The following MUC4 variants were observed in gnomAD, a reference collection of about 807,000 sequenced individuals.
The protein encoded by MUC4 is mucin-4.
Under a neutral mutation model 257.9 loss-of-function variants are expected in MUC4, and 202 were observed. That is an observed-to-expected ratio of 0.78 (90% confidence interval 0.70 to 0.88). MUC4 has a LOEUF of 0.88. Ranked by LOEUF, MUC4 falls within the 40% of genes least tolerant of loss-of-function variation. The pLI, the probability that MUC4 is intolerant of heterozygous loss-of-function variation, is 0.00. For missense variants in MUC4, 5,976 were observed against 6,513.7 expected (o/e 0.92, Z 2.84); for synonymous variants, 2,351 against 2,757.1 (o/e 0.85, Z 4.62).
chr3:195,751,402 T>C, intron 21 of MUC4, 131 bp from the exon 22 acceptor site: 1 of 713,940 alleles, frequency 1.4e-6, no homozygotes, highest in South Asian at 1.6e-5. Flanking sequence ...AGCACCTTCC[T>C]CACCTGTCTC....
At chr3:195,796,685 C>T (rs1451889123) in intron 1 of MUC4, among the ~76,000 whole-genome samples, 2 of 151,130 alleles carry the variant, frequency 1.3e-5, no homozygotes, top group African/African-American at 2.4e-5. Flanking sequence ...GGTGAGACTC[C>T]GTCTCAAAAA....
At position 195,788,613 on chromosome 3, in the gene MUC4, G is replaced by A. The variant is rs1302338315; in HGVS notation, c.2967C>T (p.His989=). 5.6e-6 allele frequency: 9 copies of A among 1,593,610 alleles called. No homozygotes were observed. The highest frequency in any genetic ancestry group is 6.8e-6 in the Non-Finnish European group (8 of 1,169,844). The change falls in exon 2 of 25, where the codon CAC becomes CAT. Residue 989 remains histidine (H), a synonymous_variant. Transcript: ENST00000463781. ...VTYASSASTG[H]TTPLHVTDAS... is the part of the protein sequence containing the mutation. ...CATCGGTGACATGAAGAGGGGTGGT[G>A]TGACCTGTGGATGCCGAGGAAGCGT...
intron 1 of MUC4, among the ~76,000 whole-genome samples, chr3:195,800,272 C>G (rs1735125159): frequency 6.7e-6 from 1 of 150,100 alleles, no homozygotes; most frequent in Non-Finnish European, 1.5e-5. Context: ...AGCGGGACTC[C>G]ATCTCAAAAA....
chr3:195,778,161 A>G, intron 3 of MUC4, 142 bp downstream of exon 3: 1 of 1,141,524 alleles, frequency 8.8e-7, no homozygotes, highest in Non-Finnish European at 1.2e-6. Context: ...GCCAGCCCTC[A>G]GGAGCGACTC....
rs1181299586 is a variant in MUC4, at chr3:195,788,458, A to G, written c.3122T>C (p.Leu1041Pro). 6.6e-7 allele frequency: 1 copy of G among 1,524,618 alleles called. No individual in the cohort carries two copies. Among genetic ancestry groups the G allele is most frequent in the African/African-American group, 1.4e-5 (1 of 71,896 alleles). The allele number at this position is 1,524,618 out of a possible 1,614,324, so 94.4% of individuals were successfully genotyped here. Residue 1041 changes from leucine to proline, a missense_variant, in exon 2 of 25, where the codon CTT (leucine) becomes CCT (proline). Leu to Pro is a moderately conservative substitution (Grantham distance 98, BLOSUM62 -3). This residue lies in a region of MUC4 where 68 missense variants were observed against 90.4 expected (regional missense o/e 0.75). Transcript: ENST00000463781. The stretch of plus-strand genomic sequence containing the variant: ...TGCTGAGGAAAAGCTGGTGACAGGA[A>G]GAGGGGTGACGTGACCTGTGGATTC... Reference protein sequence around the residue: ...SSESTGHVTPLPVTSFSSAST... With the variant: ...SSESTGHVTPPPVTSFSSAST...
rs781339655 is a variant in MUC4, at chr3:195,778,776, C to A, written c.12790+14G>T. ...CCCACTGGGAGACATAAAGGCGAGG[C>A]AGTTGGCAGCTACCTGGTGTTTCCA... is the stretch of plus-strand genomic sequence containing the variant. On this transcript the variant is annotated intron_variant, in intron 2 of 24. Coordinates refer to ENST00000463781, the MANE Select transcript of MUC4 (RefSeq NM_018406.7). 3.1e-6 allele frequency: 5 copies of A among 1,600,428 alleles called. No homozygotes were observed. Among genetic ancestry groups the A allele is most frequent in the Non-Finnish European group, 4.3e-6 (5 of 1,172,360 alleles).
At chr3:195,767,938 TACCACCACCACC>T (rs763983469) in intron 7 of MUC4, among the ~76,000 whole-genome samples, 6 of 66,672 alleles carry the variant, frequency 9.0e-5, no homozygotes, top group Admixed American at 1.4e-4. Context: ...CCACCGCCAC[TACCACCACCACC>T]ACCACCACCA....
Position 195,762,012 on chromosome 3 carries a change from C to A in MUC4, c.14512+75G>T, listed in dbSNP as rs543558020. The A allele has an allele frequency of 2.8e-4, 412 of 1,477,470 alleles. 2 individuals are homozygous for A. Among genetic ancestry groups the A allele is most frequent in the Non-Finnish European group, 2.8e-5 (31 of 1,102,964 alleles). 91.5% of individuals were successfully genotyped at this position (1,477,470 alleles called of 1,614,324 possible). A position where few individuals can be genotyped will look rare whatever the true frequency, so the allele number is the denominator to read the frequency against. On this transcript the variant is annotated intron_variant, in intron 14 of 24. Transcript: ENST00000463781. ...AGAAAGGGAGGCCGAGCAGGGCTGC[C>A]CGGGCCGCCGGCGTGGGGGTCCGAG...
At position 195,750,897 on chromosome 3, in the gene MUC4, A is replaced by G. The variant is rs776281013; in HGVS notation, c.15863T>C (p.Val5288Ala). Residue 5288 changes from valine (V) to alanine (A), a missense_variant, in exon 23 of 25, where the codon GTG (valine) becomes GCG (alanine). Transcript: ENST00000463781. ...GGAATGGACGGACTCACGGGCTGTC[A>G]CATCGCGCACGTCTTCCCCGGAGAT... Reference protein sequence around the residue: ...QPISGEDVRDVTALNVSTLKA... With the variant: ...QPISGEDVRDATALNVSTLKA... 13 of 1,613,308 alleles carry G rather than the reference A, an allele frequency of 8.1e-6. No homozygotes were observed. In the Admixed American group the frequency reaches 2.2e-4, roughly 27 times the overall value.
At chr3:195,811,147 A>T (rs758829669) in intron 1 of MUC4, among the ~76,000 whole-genome samples, 29 of 10,296 alleles carry the variant, frequency 2.8e-3, no homozygotes, top group South Asian at 0.011. Context: ...TTTATTTTAT[A>T]TTTATTTATT....
chr3:195,768,808 TG>T (rs1722173754), intron 7 of MUC4, among the ~76,000 whole-genome samples: 1 of 152,286 alleles, frequency 6.6e-6, no homozygotes, highest in South Asian at 2.1e-4. Flanking sequence ...TCACGGGGAC[TG>T]GGATGGGAAA....
Position 195,769,056 on chromosome 3 carries a change from G to A in MUC4, c.13495C>T (p.Arg4499Cys), listed in dbSNP as rs759053376. 41 of 1,613,852 alleles carry A rather than the reference G, an allele frequency of 2.5e-5. No individual in the cohort carries two copies. Among genetic ancestry groups the A allele is most frequent in the Admixed American group, 5.0e-5 (3 of 60,006 alleles). ...SGGMQWDVAQRSGNPVLMGFS... is the reference protein window; with the variant it reads ...SGGMQWDVAQCSGNPVLMGFS... Reference sequence around the variant, plus strand: ...CCCATGAGCACCGGGTTGCCTGAGCGCTGGGCCACGTCCCACTGCATCCCA... The same window carrying A: ...CCCATGAGCACCGGGTTGCCTGAGCACTGGGCCACGTCCCACTGCATCCCA... The change falls in exon 7 of 25, where the codon CGC becomes TGC. Residue 4499 changes from arginine (R) to cysteine (C), a missense_variant. Physicochemically the swap from Arg to Cys is radical, Grantham distance 180 (BLOSUM62 -3). This residue lies in a region of MUC4 where 996 missense variants were observed against 1,137.3 expected (regional missense o/e 0.88). Coordinates refer to ENST00000463781, the MANE Select transcript of MUC4 (RefSeq NM_018406.7).
At chr3:195,766,988 A>G (rs1720650993) in intron 7 of MUC4, among the ~76,000 whole-genome samples, 1 of 152,188 alleles carries the variant, frequency 6.6e-6, no homozygotes, top group South Asian at 2.1e-4. Context: ...CGCTAGCTGC[A>G]AGAAACTGGC....
intron 1 of MUC4, among the ~76,000 whole-genome samples, chr3:195,796,228 G>A (rs988035714): frequency 4.0e-5 from 6 of 151,770 alleles, no homozygotes; most frequent in African/African-American, 7.3e-5. Context: ...GATTACAGGC[G>A]CATGCCACCA....
Position 195,789,613 on chromosome 3 carries a change from G to T in MUC4, c.1967C>A (p.Ser656Tyr), listed in dbSNP as rs3749330. 2.9e-4 allele frequency: 460 copies of T among 1,614,026 alleles called. 8 individuals carry two copies. The East Asian group carries it at 0.01, about 35-fold the overall frequency. Residue 656 changes from serine (S) to tyrosine (Y), a missense_variant, in exon 2 of 25, where the codon TCC (serine) becomes TAC (tyrosine). Physicochemically the swap from Ser to Tyr is moderately radical, Grantham distance 144. This residue lies in a region of MUC4 where 1,583 missense variants were observed against 1,257.4 expected (regional missense o/e 1.26). Coordinates refer to ENST00000463781, the MANE Select transcript of MUC4 (RefSeq NM_018406.7). ...GACTGTCTTGGTGTCAGTCATGGGG[G>T]AGACGGACCTCGTGGTTTGTGATTC... ...TQESQTTRSV[S>Y]PMTDTKTVTT...
At chr3:195,767,598 C>T (rs1721208418) in intron 7 of MUC4, among the ~76,000 whole-genome samples, 1 of 110,514 alleles carries the variant, frequency 9.0e-6, no homozygotes, top group African/African-American at 4.1e-5. Context: ...CCACCACCAC[C>T]ATCATCACCA....
chr3:195,759,876 G>A (rs1015292381), intron 16 of MUC4, among the ~76,000 whole-genome samples: 2 of 85,146 alleles, frequency 2.3e-5, no homozygotes, highest in Admixed American at 1.2e-4. Flanking sequence ...CCGAGATCAC[G>A]TCACTGCACT....
rs1328035562 is a variant in MUC4 at position 195,765,334 on chromosome 3, C to A, written c.13734G>T (p.Gln4578His). Reference protein sequence around the residue: ...QPRWPSWGWNQVSCPCSWQQG... With the variant: ...QPRWPSWGWNHVSCPCSWQQG... ...GCTGCCAGGAACAAGGGCAGGAGACCTGGTTCCAGCCCCAGCTGGGCCACC... is the reference window on the plus strand; with the variant it reads ...GCTGCCAGGAACAAGGGCAGGAGACATGGTTCCAGCCCCAGCTGGGCCACC... The change falls in exon 9 of 25, where the codon CAG (glutamine) becomes CAT (histidine). Residue 4578 changes from glutamine to histidine, a missense_variant. By Grantham distance (24) the Gln-to-His change is conservative (BLOSUM62 0). Around this residue, in one of 44 missense-constraint regions of MUC4, gnomAD observed 996 missense variants for 1,137.3 expected, o/e 0.88. Transcript: ENST00000463781. 3.1e-6 allele frequency: 5 copies of A among 1,613,822 alleles called. No individual in the cohort carries two copies. In the Admixed American group the frequency reaches 8.3e-5, roughly 27 times the overall value.
At chr3:195,775,617 CA>C (rs1405390400) in intron 3 of MUC4, among the ~76,000 whole-genome samples, 18 of 115,668 alleles carry the variant, frequency 1.6e-4, no homozygotes, top group Non-Finnish European at 2.0e-4. Context: ...ATACCTTCCA[CA>C]GTCATACCTT....
Sources: gnomAD v4.1 joint callset for allele counts (sites outside exome capture counted in the v4.1 genomes callset) on GRCh38, gnomAD v4.1.1 for gene constraint, gnomAD v4.1.1 regional missense constraint, MANE v1.5 for transcripts, NCBI Gene and HGNC (gene_info 2026-07-23, HGNC 2026-07-21) for gene names.